The following CLDN18 variants were observed in gnomAD, a reference collection of about 807,000 sequenced individuals.
The protein encoded by CLDN18 is claudin 18, also known as claudin-18.
CLDN18 carries 20 observed loss-of-function variants against 25.0 expected under a neutral mutation model. The observed-to-expected ratio is 0.80, with a 90% CI of 0.56 to 1.16. The LOEUF is 1.16. Ranked by LOEUF, CLDN18 falls within the 50% of genes most tolerant of loss-of-function variation. CLDN18 has a pLI of 0.00. For synonymous variants in CLDN18, 125 were observed against 135.6 expected, an observed-to-expected ratio of 0.92 and a Z score of 0.54; for missense variants, 297 against 345.4, an observed-to-expected ratio of 0.86 and a Z score of 1.11.
intron 4 of CLDN18, 25 bp downstream of exon 4, chr3:138,029,932 C>T (rs1559808792): frequency 3.6e-6 from 5 of 1,395,382 alleles, no homozygotes; most frequent in Non-Finnish European, 5.0e-6. Context: ...TCCGCTGCAA[C>T]CAGACGTTTT....
rs1576408507 is a variant in CLDN18, at chr3:138,013,238, T to G, written c.220+2793T>G. 6.6e-5 allele frequency among the ~76,000 whole-genome samples: 10 copies of G among 152,362 alleles called. 1 individual carries two copies. In the South Asian group the frequency reaches 2.1e-3, roughly 32 times the overall value. On this transcript the variant is annotated intron_variant, in intron 1 of 4. Coordinates refer to ENST00000183605, the MANE Select transcript of CLDN18 (RefSeq NM_016369.4). ...ATGGCTCCATATATAGAAAAGGACC[T>G]GGTCCTCCTCCTGCCTGGAACAGAT... is the stretch of plus-strand genomic sequence containing the variant.
At chr3:138,011,922 T>G (rs1389536374) in intron 1 of CLDN18, among the ~76,000 whole-genome samples, 1 of 152,162 alleles carries the variant, frequency 6.6e-6, no homozygotes, top group Non-Finnish European at 1.5e-5. Context: ...CCTCTCAGAA[T>G]AGCTCCACCT....
rs1339127844 is a variant in CLDN18, at chr3:138,031,550, G to C, written c.*409G>C. ...AGAAAACTTTTGAAAGGAAAGAGTA[G>C]ACCCAAAGATGTTATTTTCTGCTGT... On this transcript the variant is annotated 3_prime_UTR_variant, in exon 5 of 5. Coordinates refer to ENST00000183605, the MANE Select transcript of CLDN18 (RefSeq NM_016369.4). 1 of 153,888 alleles carries C rather than the reference G, an allele frequency of 6.5e-6. No individual in the cohort carries two copies. Among genetic ancestry groups the C allele is most frequent in the African/African-American group, 2.4e-5 (1 of 41,472 alleles). The allele number at this position is 153,888 out of a possible 1,614,324, so 9.5% of individuals were successfully genotyped here.
intron 1 of CLDN18, 100 bp downstream of exon 1, chr3:138,010,545 G>A: frequency 6.9e-7 from 1 of 1,440,010 alleles, no homozygotes; most frequent in East Asian, 2.4e-5. Context: ...TGAGGACCCT[G>A]GCAGCTCTGG....
At chr3:138,015,398 T>C (rs1411086803) in intron 1 of CLDN18, among the ~76,000 whole-genome samples, 2 of 152,170 alleles carry the variant, frequency 1.3e-5, no homozygotes, top group Non-Finnish European at 1.5e-5. Context: ...AAGAGAGACC[T>C]GAAGCAGAGG....
intron 1 of CLDN18, among the ~76,000 whole-genome samples, chr3:138,022,951 T>G (rs930695798): frequency 6.6e-6 from 1 of 152,234 alleles, no homozygotes; most frequent in Admixed American, 6.5e-5. Flanking sequence ...GTGAAGGCAC[T>G]GCAGAAGAGT....
intron 1 of CLDN18, among the ~76,000 whole-genome samples, chr3:138,015,459 CAG>C (rs1414537855): frequency 2.0e-5 from 3 of 152,164 alleles, no homozygotes; most frequent in Non-Finnish European, 4.4e-5. Context: ...ATGATTCTCC[CAG>C]AGAGTTTAAT....
rs1576414891 is a variant in CLDN18, at chr3:138,032,818, T to C, written c.*1677T>C. ...TAGAGTGGTTGGACCATCAGATGTT[T>C]GGGCAAAACTGAAAGCTCTTTGCAA... On this transcript the variant is annotated 3_prime_UTR_variant, in exon 5 of 5. Coordinates refer to ENST00000183605, the MANE Select transcript of CLDN18 (RefSeq NM_016369.4). The C allele has an allele frequency of 6.6e-6, 1 of 152,350 alleles. No individual in the cohort carries two copies. Among genetic ancestry groups the C allele is most frequent in the South Asian group, 2.1e-4 (1 of 4,828 alleles). The allele number at this position is 152,350 out of a possible 1,614,324, so 9.4% of individuals were successfully genotyped here.
rs761740494 is a variant in CLDN18, at chr3:138,024,738, C to A, written c.503+14C>A. 93 of 1,392,104 alleles carry A rather than the reference C, an allele frequency of 6.7e-5. No individual in the cohort carries two copies. Among genetic ancestry groups the A allele is most frequent in the Non-Finnish European group, 2.7e-5 (26 of 980,394 alleles). The allele number at this position is 1,392,104 out of a possible 1,614,324, so 86.2% of individuals were successfully genotyped here. ...TGTTCAGACCAGGTAACCTCCTAAT[C>A]TAGGTCTCGGCATTCACCATGATGA... On this transcript the variant is annotated intron_variant, in intron 3 of 4. Coordinates refer to ENST00000183605, the MANE Select transcript of CLDN18 (RefSeq NM_016369.4).
At chr3:138,001,517 C>T (rs1046906687) in intron 1 of CLDN18, among the ~76,000 whole-genome samples, 10 of 152,130 alleles carry the variant, frequency 6.6e-5, no homozygotes, top group Admixed American at 3.9e-4. Context: ...CCACCGCGCC[C>T]GGCAACATTC....
Position 138,023,699 on chromosome 3 carries a change from G to A in CLDN18, c.262G>A (p.Val88Ile), listed in dbSNP as rs114998965. 3,465 of 1,614,074 alleles carry A rather than the reference G, an allele frequency of 2.1e-3. 22 individuals carry two copies. The highest frequency in any genetic ancestry group is 0.011 in the Middle Eastern group (66 of 6,062). ...AVRALMIVGI[V>I]LGAIGLLVSI... is the part of the protein sequence containing the mutation. ...GCGAGCCCTGATGATCGTAGGCATC[G>A]TCCTGGGTGCCATTGGCCTCCTGGT... is the stretch of plus-strand genomic sequence containing the variant. The change falls in exon 2 of 5, where the codon GTC (valine) becomes ATC (isoleucine). Residue 88 changes from valine (V) to isoleucine (I), a missense_variant. Val to Ile is a conservative substitution (Grantham distance 29, BLOSUM62 3). Coordinates refer to ENST00000183605, the MANE Select transcript of CLDN18 (RefSeq NM_016369.4).
Position 138,031,417 on chromosome 3 carries a change from G to C in CLDN18, c.*276G>C, listed in dbSNP as rs1942394618. ...TAAATATAACTTTCTACTCTGATGAGAGAATGTGGTTTTAATCTCTCTCTC... is the reference window on the plus strand; with the variant it reads ...TAAATATAACTTTCTACTCTGATGACAGAATGTGGTTTTAATCTCTCTCTC... On this transcript the variant is annotated 3_prime_UTR_variant, in exon 5 of 5. Coordinates refer to ENST00000183605, the MANE Select transcript of CLDN18 (RefSeq NM_016369.4). 3.9e-6 allele frequency: 1 copy of C among 257,872 alleles called. No homozygotes were observed. The highest frequency in any genetic ancestry group is 7.3e-5 in the East Asian group (1 of 13,692). The allele number at this position is 257,872 out of a possible 1,614,324, so 16.0% of individuals were successfully genotyped here. A position where few individuals can be genotyped will look rare whatever the true frequency, so the allele number is the denominator to read the frequency against.
intron 3 of CLDN18, among the ~76,000 whole-genome samples, chr3:138,025,765 A>C (rs1048762872): frequency 6.6e-6 from 1 of 152,166 alleles, no homozygotes; most frequent in Non-Finnish European, 1.5e-5. Context: ...TGGGTTCCAC[A>C]TTCTGGGAAA....
Position 138,020,003 on chromosome 3 carries a change from T to G in CLDN18, c.221-3655T>G, listed in dbSNP as rs1199833244. 2.6e-5 allele frequency among the ~76,000 whole-genome samples: 4 copies of G among 152,186 alleles called. No homozygotes were observed. The East Asian group carries it at 5.8e-4, about 22-fold the overall frequency. On this transcript the variant is annotated intron_variant, in intron 1 of 4. Transcript: ENST00000183605. ...TGTTATCAGCTGATAAGCCTCTTGA[T>G]CAGAATATCAAGTAAGAGACAGAAT...
At chr3:138,005,871 G>A (rs1409389359), upstream of CLDN18, among the ~76,000 whole-genome samples, 1 of 152,040 alleles carries the variant, frequency 6.6e-6, no homozygotes, top group Non-Finnish European at 1.5e-5. Flanking sequence ...TCATAACATT[G>A]CCTTTTATTC....
At chr3:138,010,547 C>T (rs1942125021) in intron 1 of CLDN18, 102 bp downstream of exon 1, 2 of 1,436,196 alleles carry the variant, frequency 1.4e-6, no homozygotes, top group South Asian at 2.5e-5. Flanking sequence ...AGGACCCTGG[C>T]AGCTCTGGCT....
chr3:138,031,444 C>G lies in CLDN18; in HGVS notation c.*303C>G, dbSNP rs982680839. On this transcript the variant is annotated 3_prime_UTR_variant, in exon 5 of 5. Coordinates refer to ENST00000183605, the MANE Select transcript of CLDN18 (RefSeq NM_016369.4). ...GAATGTGGTTTTAATCTCTCTCTCACATTTTGATGATTTAGACAGACTCCC... is the reference window on the plus strand; with the variant it reads ...GAATGTGGTTTTAATCTCTCTCTCAGATTTTGATGATTTAGACAGACTCCC... 25 of 205,206 alleles carry G rather than the reference C, an allele frequency of 1.2e-4. No homozygotes were observed. The highest frequency in any genetic ancestry group is 5.8e-5 in the Admixed American group (1 of 17,098). The allele number at this position is 205,206 out of a possible 1,614,324, so 12.7% of individuals were successfully genotyped here. A position where few individuals can be genotyped will look rare whatever the true frequency, so the allele number is the denominator to read the frequency against.
At chr3:138,009,281 C>T (rs140304838), upstream of CLDN18, among the ~76,000 whole-genome samples, 394 of 152,340 alleles carry the variant, frequency 2.6e-3, 3 homozygotes, top group African/African-American at 8.8e-3. Context: ...TCCTAAGCCT[C>T]TCCGTGACCA....
At chr3:138,030,948 G>A in intron 4 of CLDN18, 22 bp from the exon 5 acceptor site, 1 of 1,604,832 alleles carries the variant, frequency 6.2e-7, no homozygotes, top group Non-Finnish European at 8.5e-7. Flanking sequence ...CTACAATCAT[G>A]GAATGTTTAT....
Sources: gnomAD v4.1 joint callset for allele counts (sites outside exome capture counted in the v4.1 genomes callset) on GRCh38, gnomAD v4.1.1 for gene constraint, MANE v1.5 for transcripts, NCBI Gene and HGNC (gene_info 2026-07-23, HGNC 2026-07-21) for gene names.